Variants in ZBTB8A observed in about 807,000 individuals in gnomAD.
ZBTB8A encodes the protein zinc finger and BTB domain-containing protein 8A.
In ZBTB8A, 19 loss-of-function variants were observed where a neutral mutation model predicts 37.8. That is an observed-to-expected ratio of 0.50 (90% CI 0.35 to 0.74). The LOEUF (loss-of-function observed/expected upper bound fraction) is 0.74, where lower values mean the gene tolerates loss of function less well. Ranked by LOEUF, ZBTB8A falls within the 30% of genes least tolerant of loss-of-function variation. ZBTB8A has a pLI of 0.01. For missense variants in ZBTB8A, 394 were observed against 537.8 expected (o/e 0.73, Z 2.65); for synonymous variants, 181 against 185.2 (o/e 0.98, Z 0.19).
chr1:32,568,438 A>G (rs1362165750), intron 2 of ZBTB8A, among the ~76,000 whole-genome samples: 1 of 151,534 alleles, frequency 6.6e-6, no homozygotes, highest in Non-Finnish European at 1.5e-5. Context: ...CCAGGCTAGA[A>G]TGCAGTGGCG....
rs1421708143 is a variant in ZBTB8A, at chr1:32,572,570, A to AT, written c.-2+19035dup. 2.6e-5 allele frequency among the ~76,000 whole-genome samples: 4 copies of AT among 151,756 alleles called. 1 individual carries two copies. The highest frequency in any genetic ancestry group is 7.3e-5 in the African/African-American group (3 of 41,296). ...ACCACCACACCTGGCTAATTTTTGT[A>AT]TTTTTAGTAGAGATGGGGTTTCGCC... On this transcript the variant is annotated intron_variant, in intron 2 of 4. Coordinates refer to ENST00000373510, the MANE Select transcript of ZBTB8A (RefSeq NM_001040441.3).
chr1:32,595,626 G>A (rs895530329), intron 4 of ZBTB8A, among the ~76,000 whole-genome samples: 10 of 149,986 alleles, frequency 6.7e-5, no homozygotes, highest in Non-Finnish European at 1.3e-4. Flanking sequence ...CTGGAGTGCA[G>A]TGGTGCCATC....
intron 3 of ZBTB8A, 138 bp from the exon 4 acceptor site, chr1:32,594,916 C>T: frequency 2.1e-6 from 2 of 943,908 alleles, no homozygotes; most frequent in Admixed American, 3.2e-5. Context: ...TAACCAACTC[C>T]TTGTGAATTC....
intron 2 of ZBTB8A, among the ~76,000 whole-genome samples, chr1:32,573,659 C>T (rs1375415407): frequency 6.7e-6 from 1 of 149,490 alleles, no homozygotes; most frequent in Non-Finnish European, 1.5e-5. Flanking sequence ...GTCTCGAACT[C>T]CTGGGCTCAA....
intron 1 of ZBTB8A, among the ~76,000 whole-genome samples, chr1:32,551,424 A>G (rs967719877): frequency 6.6e-6 from 1 of 151,990 alleles, no homozygotes; most frequent in Non-Finnish European, 1.5e-5. Context: ...TCTCTCTCAA[A>G]AAAAAAAGTG....
rs113417263 is a variant in ZBTB8A, at chr1:32,576,070, A to T, written c.-1-16861A>T. On this transcript the variant is annotated intron_variant, in intron 2 of 4. Transcript: ENST00000373510. ...TTTCACAAACTACAGCCTTCAAGCC[A>T]AGCCTGAATGCCTACCTGCTTTTGT... 8.6e-4 allele frequency among the ~76,000 whole-genome samples: 131 copies of T among 152,316 alleles called. 1 individual carries two copies. Among genetic ancestry groups the T allele is most frequent in the African/African-American group, 3.0e-3 (126 of 41,572 alleles).
At chr1:32,594,176 AGAGT>A (rs1644511441) in intron 3 of ZBTB8A, among the ~76,000 whole-genome samples, 1 of 151,008 alleles carries the variant, frequency 6.6e-6, no homozygotes, top group Admixed American at 6.6e-5. Flanking sequence ...CCTGGGCGAT[AGAGT>A]GAGACTCTGT....
intron 2 of ZBTB8A, among the ~76,000 whole-genome samples, chr1:32,580,505 C>T (rs911016324): frequency 6.6e-6 from 1 of 150,946 alleles, no homozygotes; most frequent in Non-Finnish European, 1.5e-5. Flanking sequence ...GAACCAAGAT[C>T]GCACAACTGT....
intron 2 of ZBTB8A, among the ~76,000 whole-genome samples, chr1:32,577,129 C>T (rs1342000934): frequency 6.6e-6 from 1 of 152,056 alleles, no homozygotes; most frequent in African/African-American, 2.4e-5. Context: ...CCGCCTTGGC[C>T]TCCCAAAGTG....
rs1017506392 is a variant in ZBTB8A, at chr1:32,604,801, T to G, written c.*4382T>G. The G allele has an allele frequency of 3.3e-5, 5 of 152,148 alleles. No homozygotes were observed. Among genetic ancestry groups the G allele is most frequent in the Non-Finnish European group, 7.3e-5 (5 of 68,032 alleles). 9.4% of individuals were successfully genotyped at this position (152,148 alleles called of 1,614,324 possible). A position where few individuals can be genotyped will look rare whatever the true frequency, so the allele number is the denominator to read the frequency against. On this transcript the variant is annotated 3_prime_UTR_variant, in exon 5 of 5. Coordinates refer to ENST00000373510, the MANE Select transcript of ZBTB8A (RefSeq NM_001040441.3). Reference sequence around the variant, plus strand: ...CCACTCATATTGGTTTTTAAAATTTTTTTTAGTCCTAAAATTAATAAGTAT... The same window carrying G: ...CCACTCATATTGGTTTTTAAAATTTGTTTTAGTCCTAAAATTAATAAGTAT...
At chr1:32,562,569 CTT>C (rs751648634) in intron 2 of ZBTB8A, among the ~76,000 whole-genome samples, 9,048 of 110,712 alleles carry the variant, frequency 0.082, 187 homozygotes, top group African/African-American at 0.12. Flanking sequence ...CCGCGTCCGG[CTT>C]TTTTTTTTTT....
Position 32,600,106 on chromosome 1 carries a change from T to G in ZBTB8A, c.1013T>G (p.Leu338Arg), listed in dbSNP as rs1372357192. ...HFRTIHQACK[L>R]ICRKCKRHVT... ...ACACAGATTCACCAGGCATGTAAAC[T>G]CATCTGCAGAAAATGTAAACGTCAT... The change falls in exon 5 of 5, where the codon CTC (leucine) becomes CGC (arginine). Residue 338 changes from leucine (L) to arginine (R), a missense_variant. Physicochemically the swap from Leu to Arg is moderately radical, Grantham distance 102. This residue lies in a region of ZBTB8A where 42 missense variants were observed against 96.4 expected (regional missense o/e 0.44). Coordinates refer to ENST00000373510, the MANE Select transcript of ZBTB8A (RefSeq NM_001040441.3). 1 of 1,612,780 alleles carries G rather than the reference T, an allele frequency of 6.2e-7. No individual in the cohort carries two copies. Among genetic ancestry groups the G allele is most frequent in the Admixed American group, 1.7e-5 (1 of 59,956 alleles).
At chr1:32,553,811 G>A (rs910095443) in intron 2 of ZBTB8A, among the ~76,000 whole-genome samples, 2 of 151,244 alleles carry the variant, frequency 1.3e-5, no homozygotes, top group East Asian at 3.9e-4. Flanking sequence ...GCTTGAACCC[G>A]GGAGGTGGAG....
At chr1:32,561,269 T>C (rs772734184) in intron 2 of ZBTB8A, among the ~76,000 whole-genome samples, 10 of 152,146 alleles carry the variant, frequency 6.6e-5, no homozygotes, top group Non-Finnish European at 1.2e-4. Flanking sequence ...TTTCCTCTTC[T>C]TTTTTTCTGA....
chr1:32,578,338 A>G (rs1371538304), intron 2 of ZBTB8A, among the ~76,000 whole-genome samples: 2 of 151,662 alleles, frequency 1.3e-5, no homozygotes, highest in African/African-American at 4.8e-5. Context: ...CCGCCTCCCA[A>G]AGTGCTGGGA....
At chr1:32,545,202 G>GA (rs1165903642) in intron 1 of ZBTB8A, among the ~76,000 whole-genome samples, 3 of 150,094 alleles carry the variant, frequency 2.0e-5, no homozygotes, top group African/African-American at 4.9e-5. Context: ...TATATCTCTG[G>GA]AAAAACATGG....
chr1:32,575,957 C>T (rs1268516982), intron 2 of ZBTB8A, among the ~76,000 whole-genome samples: 1 of 152,132 alleles, frequency 6.6e-6, no homozygotes, highest in African/African-American at 2.4e-5. Flanking sequence ...AGTAGTTGCT[C>T]TCAGGATTAC....
At position 32,601,720 on chromosome 1, in the gene ZBTB8A, G is replaced by C. The variant is rs1028363937; in HGVS notation, c.*1301G>C. The C allele has an allele frequency of 2.5e-5, 10 of 398,214 alleles. No homozygotes were observed. Among genetic ancestry groups the C allele is most frequent in the Non-Finnish European group, 4.0e-5 (9 of 225,986 alleles). 24.7% of individuals were successfully genotyped at this position (398,214 alleles called of 1,614,324 possible). A position where few individuals can be genotyped will look rare whatever the true frequency, so the allele number is the denominator to read the frequency against. On this transcript the variant is annotated 3_prime_UTR_variant, in exon 5 of 5. Coordinates refer to ENST00000373510, the MANE Select transcript of ZBTB8A (RefSeq NM_001040441.3). ...CTCTCCCTGTATGTCTCCTGAAATG[G>C]CAAAGAATAGAAGTCAAACCTCACC...
intron 2 of ZBTB8A, among the ~76,000 whole-genome samples, chr1:32,568,972 G>A (rs1644305234): frequency 6.6e-6 from 1 of 152,060 alleles, no homozygotes; most frequent in Admixed American, 6.6e-5. Context: ...CATTTCTCTT[G>A]TATAAATACC....
Sources: gnomAD v4.1 joint callset for allele counts (sites outside exome capture counted in the v4.1 genomes callset) on GRCh38, gnomAD v4.1.1 for gene constraint, gnomAD v4.1.1 regional missense constraint, MANE v1.5 for transcripts, NCBI Gene and HGNC (gene_info 2026-07-23, HGNC 2026-07-21) for gene names.